The following RYK variants were observed in gnomAD, a reference collection of about 807,000 sequenced individuals.
RYK encodes the protein inactive tyrosine-protein kinase RYK.
RYK carries 21 observed loss-of-function variants against 70.2 expected under a neutral mutation model. The ratio of observed to expected loss-of-function variants is 0.30; its 90% CI spans 0.21 to 0.43. The LOEUF (loss-of-function observed/expected upper bound fraction) is 0.43, where lower values mean the gene tolerates loss of function less well. Among genes scored for constraint, RYK ranks in the 20% least tolerant of loss-of-function variants. RYK has a pLI of 1.00. For synonymous variants in RYK, 267 were observed against 278.0 expected, an observed-to-expected ratio of 0.96 and a Z score of 0.39; for missense variants, 604 against 753.3, an observed-to-expected ratio of 0.80 and a Z score of 2.32.
chr3:134,231,047 T>C (rs1463209895), intron 1 of RYK, among the ~76,000 whole-genome samples: 4 of 152,108 alleles, frequency 2.6e-5, no homozygotes, highest in Non-Finnish European at 4.4e-5. Context: ...TAACAATTTA[T>C]TGTTATTACT....
At chr3:134,214,736 AT>A (rs1165648515) in intron 2 of RYK, among the ~76,000 whole-genome samples, 1 of 152,134 alleles carries the variant, frequency 6.6e-6, no homozygotes, top group Non-Finnish European at 1.5e-5. Flanking sequence ...CCCTCGTCTT[AT>A]TCCAACCTTA....
chr3:134,178,035 CCTT>C lies in RYK; in HGVS notation c.1208_1210del (p.Glu403del). 1.2e-6 allele frequency: 2 copies of C among 1,604,086 alleles called. No homozygotes were observed. The highest frequency in any genetic ancestry group is 1.7e-6 in the Non-Finnish European group (2 of 1,172,318). ...AGGCAATATCACCATGGGCTTTTCT[CCTT>C]CTTCTATACACACATGAGTAATAGG... On this transcript the variant is annotated inframe_deletion, in exon 11 of 15. Transcript: ENST00000623711.
chr3:134,239,990 G>C (rs1381264382), intron 1 of RYK, among the ~76,000 whole-genome samples: 1 of 152,174 alleles, frequency 6.6e-6, no homozygotes, highest in Admixed American at 6.5e-5. Context: ...CTGGCACCAA[G>C]GGAACTGAGT....
chr3:134,238,578 T>C (rs1450998638), intron 1 of RYK, among the ~76,000 whole-genome samples: 1 of 152,214 alleles, frequency 6.6e-6, no homozygotes, highest in Non-Finnish European at 1.5e-5. Flanking sequence ...GGGAATCTCC[T>C]GTTCCTCCCA....
rs1380863659 is a variant in RYK at position 134,202,748 on chromosome 3, C to T, written c.770G>A (p.Arg257Lys). The change falls in exon 6 of 15, where the codon AGG becomes AAG. Residue 257 changes from arginine to lysine, a missense_variant. By Grantham distance (26) the Arg-to-Lys change is conservative (BLOSUM62 2). Coordinates refer to ENST00000623711, the MANE Select transcript of RYK (RefSeq NM_002958.4). ...ACAATACCTGTCATCCAGTTCAATC[C>T]TTTTCATACTATGAAGGTGCAAAAC... ...LAVLHLHSMK[R>K]IELDDSISAS... The T allele has an allele frequency of 1.2e-6, 2 of 1,612,224 alleles. No individual in the cohort carries two copies. The highest frequency in any genetic ancestry group is 3.3e-5 in the Admixed American group (2 of 59,802).
At chr3:134,210,795 A>G (rs1576522796) in intron 3 of RYK, among the ~76,000 whole-genome samples, 1 of 152,234 alleles carries the variant, frequency 6.6e-6, no homozygotes, top group African/African-American at 2.4e-5. Context: ...CTAGATATGT[A>G]ATCAGTGCAA....
intron 1 of RYK, among the ~76,000 whole-genome samples, chr3:134,224,230 G>C (rs1191920737): frequency 6.6e-6 from 1 of 152,180 alleles, no homozygotes; most frequent in Non-Finnish European, 1.5e-5. Context: ...ACAAGGCAAG[G>C]GGGCAGGGTA....
At chr3:134,193,064 A>AGTAT (rs2107669289) in intron 7 of RYK, among the ~76,000 whole-genome samples, 1 of 152,270 alleles carries the variant, frequency 6.6e-6, no homozygotes, top group East Asian at 1.9e-4. Flanking sequence ...GTTTGTTTTC[A>AGTAT]GTATATATAT....
chr3:134,222,578 A>G lies in RYK; in HGVS notation c.233-39T>C, dbSNP rs754355103. ...GGAAAAAAATAATTAAACACTTAAA[A>G]TATTCTCAAAATCATCCCTATCAGT... is the stretch of plus-strand genomic sequence containing the variant. On this transcript the variant is annotated intron_variant, in intron 1 of 14. Transcript: ENST00000623711. 1.5e-5 allele frequency: 22 copies of G among 1,450,548 alleles called. No individual in the cohort carries two copies. In the South Asian group the frequency reaches 2.3e-4, roughly 15 times the overall value. The allele number at this position is 1,450,548 out of a possible 1,614,324, so 89.9% of individuals were successfully genotyped here.
In RYK at chr3:134,202,710, TCCCAAAA is replaced by T; in HGVS notation, c.788+13_788+19del. The T allele has an allele frequency of 6.2e-7, 1 of 1,607,698 alleles. No homozygotes were observed. The highest frequency in any genetic ancestry group is 1.7e-5 in the Admixed American group (1 of 58,904). On this transcript the variant is annotated intron_variant, in intron 6 of 14. Transcript: ENST00000623711. Reference sequence around the variant, plus strand: ...AATAACTGCTTTCATTTTTTTTCTTTCCCAAAATATGTACAATACCTGTCATCCAGTT... The same window carrying T: ...AATAACTGCTTTCATTTTTTTTCTTTTATGTACAATACCTGTCATCCAGTT...
chr3:134,182,876 G>T, intron 10 of RYK, 126 bp downstream of exon 10: 1 of 489,800 alleles, frequency 2.0e-6, no homozygotes, highest in South Asian at 5.9e-5. Flanking sequence ...TTTATATTCA[G>T]AAAAAAAAAT....
chr3:134,194,233 AGTAAG>A (rs1288859887), intron 7 of RYK, among the ~76,000 whole-genome samples: 1 of 152,254 alleles, frequency 6.6e-6, no homozygotes, highest in Non-Finnish European at 1.5e-5. Flanking sequence ...CAGTTGGTAG[AGTAAG>A]GTATTCACTG....
intron 9 of RYK, among the ~76,000 whole-genome samples, chr3:134,183,636 A>C (rs2013372966): frequency 6.6e-6 from 1 of 152,200 alleles, no homozygotes; most frequent in African/African-American, 2.4e-5. Flanking sequence ...AGATGGAGAA[A>C]GCAACATGTA....
chr3:134,222,669 A>G (rs1576528955), intron 1 of RYK, 130 bp from the exon 2 acceptor site: 1 of 726,320 alleles, frequency 1.4e-6, no homozygotes. Flanking sequence ...TGGCCCTAAC[A>G]TGGGCTGCCT....
At chr3:134,185,780 G>T (rs2013440712) in intron 9 of RYK, among the ~76,000 whole-genome samples, 1 of 152,166 alleles carries the variant, frequency 6.6e-6, no homozygotes, top group African/African-American at 2.4e-5. Flanking sequence ...CTGGTAAGGA[G>T]ATCTAAGTAC....
At chr3:134,222,860 T>C (rs1382309051) in intron 1 of RYK, among the ~76,000 whole-genome samples, 1 of 152,164 alleles carries the variant, frequency 6.6e-6, no homozygotes, top group Admixed American at 6.5e-5. Context: ...CAGTGCTTCT[T>C]AGAGGAACAG....
chr3:134,217,259 T>C (rs796680760), intron 2 of RYK, among the ~76,000 whole-genome samples: 5 of 152,192 alleles, frequency 3.3e-5, no homozygotes, highest in African/African-American at 1.2e-4. Flanking sequence ...GAACCGAGGG[T>C]TTCTGATAAA....
intron 1 of RYK, among the ~76,000 whole-genome samples, chr3:134,237,458 G>A (rs2015223633): frequency 6.6e-6 from 1 of 152,246 alleles, no homozygotes; most frequent in South Asian, 2.1e-4. Flanking sequence ...GCTGGCTGTC[G>A]ATAAAAGTCA....
intron 9 of RYK, among the ~76,000 whole-genome samples, chr3:134,185,256 C>G (rs2013424874): frequency 6.6e-6 from 1 of 152,154 alleles, no homozygotes; most frequent in African/African-American, 2.4e-5. Flanking sequence ...TAGGAAAATG[C>G]TGAACCAACA....
Sources: allele counts gnomAD v4.1 joint callset (sites outside exome capture counted in the v4.1 genomes callset), GRCh38; gene constraint gnomAD v4.1.1; transcripts MANE v1.5; gene names NCBI Gene and HGNC (gene_info 2026-07-23, HGNC 2026-07-21).